Variants in RASSF5 observed in about 807,000 individuals in gnomAD.
RASSF5 encodes ras association domain-containing protein 5.
A neutral mutation model predicts 40.5 loss-of-function variants in RASSF5; 25 were observed. That is an observed-to-expected ratio of 0.62 (90% confidence interval 0.45 to 0.86). The LOEUF (loss-of-function observed/expected upper bound fraction) is 0.86. Among genes scored for constraint, RASSF5 ranks in the 40% least tolerant of loss-of-function variants. The probability of loss-of-function intolerance (pLI) is 0.00; values close to 1 mark genes in which losing one functional copy is unlikely to be tolerated. For missense variants in RASSF5, 521 were observed against 572.8 expected, an observed-to-expected ratio of 0.91 and a Z score of 0.92; for synonymous variants, 246 against 252.4, an observed-to-expected ratio of 0.97 and a Z score of 0.24.
chr1:206,534,589 C>T (rs950917991), intron 1 of RASSF5, among the ~76,000 whole-genome samples: 129 of 152,260 alleles, frequency 8.5e-4, no homozygotes, highest in Non-Finnish European at 1.1e-3. Flanking sequence ...CCAGAGCTGC[C>T]TGCACCCTGA....
intron 2 of RASSF5, among the ~76,000 whole-genome samples, chr1:206,554,875 T>C (rs1472962781): frequency 2.0e-5 from 3 of 152,204 alleles, no homozygotes; most frequent in Non-Finnish European, 2.9e-5. Context: ...CAGCACAGTC[T>C]CTGTTTTGCT....
At chr1:206,527,588 G>C (rs1436454513) in intron 1 of RASSF5, among the ~76,000 whole-genome samples, 1 of 152,182 alleles carries the variant, frequency 6.6e-6, no homozygotes, top group Non-Finnish European at 1.5e-5. Context: ...CCAGGATGCT[G>C]GCAGCCTCCA....
At chr1:206,545,382 C>T (rs1373717077) in intron 2 of RASSF5, among the ~76,000 whole-genome samples, 1 of 143,854 alleles carries the variant, frequency 7.0e-6, no homozygotes, top group Admixed American at 7.1e-5. Context: ...CAGGGTCTCA[C>T]TCTTTTCACC....
chr1:206,548,236 T>C (rs1462877366), intron 2 of RASSF5, among the ~76,000 whole-genome samples: 1 of 152,128 alleles, frequency 6.6e-6, no homozygotes, highest in Non-Finnish European at 1.5e-5. Flanking sequence ...GACTGGGCAA[T>C]GTATAAAGAA....
At position 206,513,203 on chromosome 1, in the gene RASSF5, C is replaced by T. The variant is rs917362437; in HGVS notation, c.457+5144C>T. Among the ~76,000 whole-genome samples the T allele has an allele frequency of 6.6e-6, 1 of 152,238 alleles. No homozygotes were observed. The highest frequency in any genetic ancestry group is 1.5e-5 in the Non-Finnish European group (1 of 68,034). On this transcript the variant is annotated intron_variant, in intron 1 of 5. Coordinates refer to ENST00000579436, the MANE Select transcript of RASSF5 (RefSeq NM_182663.4). The surrounding 1 kb of genome is among the most constrained non-coding windows in gnomAD (Gnocchi z 5.0). ...CCCCAGTGTTCTCCCACAGGGTTCT[C>T]TCTGGCTCCCACACCCACCCCTCAT...
chr1:206,522,017 C>T (rs147372535), intron 1 of RASSF5, among the ~76,000 whole-genome samples: 162 of 152,284 alleles, frequency 1.1e-3, no homozygotes, highest in African/African-American at 3.7e-3. Context: ...CAACTGCCTA[C>T]AGTGTTTTAA....
chr1:206,585,996 C>T (rs1174849386), intron 5 of RASSF5: 2 of 152,284 alleles, frequency 1.3e-5, no homozygotes, highest in Non-Finnish European at 2.9e-5. Flanking sequence ...AAAAAGTACT[C>T]CATGGACAGT....
At chr1:206,522,895 G>A (rs1553396333) in intron 1 of RASSF5, among the ~76,000 whole-genome samples, 1 of 152,136 alleles carries the variant, frequency 6.6e-6, no homozygotes, top group African/African-American at 2.4e-5. Flanking sequence ...AAATGGTTTA[G>A]CTATTGTAAG....
At chr1:206,550,817 G>T (rs1381845648) in intron 2 of RASSF5, among the ~76,000 whole-genome samples, 2 of 152,144 alleles carry the variant, frequency 1.3e-5, no homozygotes, top group African/African-American at 4.8e-5. Flanking sequence ...GAACAATGCT[G>T]CTCTCAGCAT....
At chr1:206,523,406 ATATTATATAT>A (rs1388743241) in intron 1 of RASSF5, among the ~76,000 whole-genome samples, 2 of 42,076 alleles carry the variant, frequency 4.8e-5, no homozygotes, top group South Asian at 1.2e-3. Flanking sequence ...ATAAATATAA[ATATTATATAT>A]TATATATTAT....
At position 206,569,785 on chromosome 1, in the gene RASSF5, G is replaced by A. The variant is rs376838448; in HGVS notation, c.580-13484G>A. 8.5e-5 allele frequency among the ~76,000 whole-genome samples: 13 copies of A among 152,276 alleles called. No homozygotes were observed. The South Asian group carries it at 1.7e-3, about 19-fold the overall frequency. On this transcript the variant is annotated intron_variant, in intron 2 of 5. Transcript: ENST00000579436. Reference sequence around the variant, plus strand: ...GGTTTTGAGCAGGCATGCCCGCTACGACTGCAGCAGCTCCTTTGAGCTAGG... The same window carrying A: ...GGTTTTGAGCAGGCATGCCCGCTACAACTGCAGCAGCTCCTTTGAGCTAGG...
chr1:206,573,943 G>A (rs1160244494), intron 2 of RASSF5, among the ~76,000 whole-genome samples: 5 of 152,276 alleles, frequency 3.3e-5, no homozygotes, highest in East Asian at 1.9e-4. Flanking sequence ...GTGGCCCAGC[G>A]TGCAAGGCAG....
chr1:206,558,525 G>A (rs1200249855), intron 2 of RASSF5, among the ~76,000 whole-genome samples: 2 of 152,134 alleles, frequency 1.3e-5, no homozygotes, highest in African/African-American at 4.8e-5. Flanking sequence ...AGACAGAAGT[G>A]AGCTGTTATA....
At chr1:206,541,912 C>G (rs151308152) in intron 2 of RASSF5, 79 of 152,346 alleles carry the variant, frequency 5.2e-4, no homozygotes, top group Non-Finnish European at 9.5e-4. Context: ...TATGGAGAAG[C>G]TGGCCCCAAG....
At chr1:206,585,040 T>A in intron 4 of RASSF5, 140 bp from the exon 5 acceptor site, 1 of 686,516 alleles carries the variant, frequency 1.5e-6, no homozygotes, top group Non-Finnish European at 2.6e-6. Flanking sequence ...TTCATTACTG[T>A]CATGTTCATT....
Position 206,527,267 on chromosome 1 carries a change from C to T in RASSF5, c.458-10905C>T, listed in dbSNP as rs77564923. 3.2e-3 allele frequency among the ~76,000 whole-genome samples: 484 copies of T among 152,232 alleles called. 1 individual carries two copies. The highest frequency in any genetic ancestry group is 0.011 in the African/African-American group (453 of 41,526). Reference sequence around the variant, plus strand: ...CTGATGTATGGCTGGTAAGTGGGTGCGCTCTGGTGCCAATCTCTGAGGTAG... The same window carrying T: ...CTGATGTATGGCTGGTAAGTGGGTGTGCTCTGGTGCCAATCTCTGAGGTAG... On this transcript the variant is annotated intron_variant, in intron 1 of 5. Transcript: ENST00000579436.
intron 1 of RASSF5, among the ~76,000 whole-genome samples, chr1:206,529,991 T>C (rs192450214): frequency 6.6e-6 from 1 of 152,346 alleles, no homozygotes; most frequent in East Asian, 1.9e-4. Flanking sequence ...GTATGGATTA[T>C]ATGAAATAAT....
intron 2 of RASSF5, among the ~76,000 whole-genome samples, chr1:206,551,651 A>G (rs1212485906): frequency 3.9e-5 from 6 of 152,252 alleles, no homozygotes; most frequent in African/African-American, 1.4e-4. Context: ...AGTCCTGGCC[A>G]CAAGGAGGGA....
At position 206,507,972 on chromosome 1, in the gene RASSF5, T is replaced by C; in HGVS notation, c.370T>C (p.Cys124Arg). Residue 124 changes from cysteine (C) to arginine (R), a missense_variant, in exon 1 of 6, where the codon TGC becomes CGC. Cys to Arg is a radical substitution (Grantham distance 180, BLOSUM62 -3). Around this residue, in one of 2 missense-constraint regions of RASSF5, gnomAD observed 237 missense variants for 212.0 expected, o/e 1.12. Coordinates refer to ENST00000579436, the MANE Select transcript of RASSF5 (RefSeq NM_182663.4). Reference protein sequence around the residue: ...RVPAERGEGHCFAELVLPGGP... With the variant: ...RVPAERGEGHRFAELVLPGGP... ...CCCGGCGGAGCGAGGCGAGGGGCACTGCTTCGCCGAGTTGGTGCTGCCGGG... is the reference window on the plus strand; with the variant it reads ...CCCGGCGGAGCGAGGCGAGGGGCACCGCTTCGCCGAGTTGGTGCTGCCGGG... 1 of 1,535,478 alleles carries C rather than the reference T, an allele frequency of 6.5e-7. No homozygotes were observed. The highest frequency in any genetic ancestry group is 1.4e-5 in the African/African-American group (1 of 71,104).
Sources: allele counts gnomAD v4.1 joint callset (sites outside exome capture counted in the v4.1 genomes callset), GRCh38; gene constraint gnomAD v4.1.1; regional missense constraint gnomAD v4.1.1; non-coding constraint Gnocchi (gnomAD v3.1); transcripts MANE v1.5; gene names NCBI Gene and HGNC (gene_info 2026-07-23, HGNC 2026-07-21).